The following WDR90 variants were observed in gnomAD, a reference collection of about 807,000 sequenced individuals.
The protein encoded by WDR90 is WD repeat-containing protein 90.
In WDR90, 238 loss-of-function variants were observed where a neutral mutation model predicts 195.2. The observed-to-expected ratio is 1.22, with a 90% confidence interval of 1.10 to 1.36. The LOEUF (loss-of-function observed/expected upper bound fraction) is 1.36. Among genes scored for constraint, WDR90 ranks in the 40% most tolerant of loss-of-function variants. The probability of loss-of-function intolerance (pLI) is 0.00; values close to 1 mark genes in which losing one functional copy is unlikely to be tolerated. For synonymous variants in WDR90, 1,265 were observed against 1,052.4 expected (o/e 1.20, Z -3.91); for missense variants, 2,734 against 2,439.5 (o/e 1.12, Z -2.54).
rs1359556481 is a variant in WDR90, at chr16:662,330, A to T, written c.4144A>T (p.Ser1382Cys). 1.9e-6 allele frequency: 3 copies of T among 1,558,818 alleles called. No individual in the cohort carries two copies. Among genetic ancestry groups the T allele is most frequent in the Non-Finnish European group, 2.6e-6 (3 of 1,153,236 alleles). The change falls in exon 33 of 41, where the codon AGT becomes TGT. Residue 1382 changes from serine to cysteine, a missense_variant and splice_region_variant. Coordinates refer to ENST00000293879, the MANE Select transcript of WDR90 (RefSeq NM_145294.5). The stretch of plus-strand genomic sequence containing the variant: ...GCTGAGGTGCAAGGGCTCAGGCGCC[A>T]GGTGAGCTGTTCACCCCTACGTGTT... ...SELRCKGSGA[S>C]SVFMEHELVL...
intron 28 of WDR90, 48 bp from the exon 29 acceptor site, chr16:661,003 C>CCG (rs2037892544): frequency 1.1e-5 from 1 of 94,708 alleles, no homozygotes; most frequent in South Asian, 1.1e-4. Flanking sequence ...CCTCCCCGCC[C>CCG]CCCCCCCCCC....
In WDR90 at chr16:660,178, G is replaced by A. The variant is rs2037865870; in HGVS notation, c.3288+17G>A. 2.7e-6 allele frequency: 4 copies of A among 1,499,252 alleles called. No homozygotes were observed. The highest frequency in any genetic ancestry group is 2.2e-5 in the Admixed American group (1 of 45,720). 92.9% of individuals were successfully genotyped at this position (1,499,252 alleles called of 1,614,324 possible). On this transcript the variant is annotated intron_variant, in intron 27 of 40. Coordinates refer to ENST00000293879, the MANE Select transcript of WDR90 (RefSeq NM_145294.5). ...TCTGCCAAGGTGGGGAGTGGTTTCT[G>A]GGAGCCCTCTTTATCCCCAGCAAGC...
Position 660,665 on chromosome 16 carries a change from C to T in WDR90, c.3342C>T (p.Val1114=), listed in dbSNP as rs750071428. ...SGGWLRLKAV[V]GYSGNGRANM... is the part of the protein sequence containing the mutation. Reference sequence around the variant, plus strand: ...GGTGGCTGCGTCTGAAGGCTGTCGTCGGTTACAGCGGGAATGGGCGGGCCA... The same window carrying T: ...GGTGGCTGCGTCTGAAGGCTGTCGTTGGTTACAGCGGGAATGGGCGGGCCA... Residue 1114 remains valine, a synonymous_variant, in exon 28 of 41, where the codon GTC becomes GTT. Coordinates refer to ENST00000293879, the MANE Select transcript of WDR90 (RefSeq NM_145294.5). 5 of 1,582,026 alleles carry T rather than the reference C, an allele frequency of 3.2e-6. No individual in the cohort carries two copies. The highest frequency in any genetic ancestry group is 1.4e-5 in the African/African-American group (1 of 74,056).
In WDR90 at chr16:656,123, C is replaced by G; in HGVS notation, c.1967-179C>G. On this transcript the variant is annotated intron_variant, in intron 17 of 40. Coordinates refer to ENST00000293879, the MANE Select transcript of WDR90 (RefSeq NM_145294.5). ...GTGGGTAGTGTGTGAAGCCCCTCAG[C>G]CTGGGTCCCGCCTAGCCTAAGAGTG... The G allele has an allele frequency of 2.6e-6, 2 of 768,548 alleles. 1 individual carries two copies. The highest frequency in any genetic ancestry group is 3.6e-5 in the South Asian group (2 of 55,902). The allele number at this position is 768,548 out of a possible 1,614,324, so 47.6% of individuals were successfully genotyped here.
Position 657,212 on chromosome 16 carries a change from C to A in WDR90, c.2464C>A (p.Arg822=). The change falls in exon 20 of 41, where the codon CGA becomes AGA. Residue 822 remains arginine (R), a synonymous_variant. Coordinates refer to ENST00000293879, the MANE Select transcript of WDR90 (RefSeq NM_145294.5). ...TGCGGACCCCCAGTGGCATGTCCTCCGAGTGGCAGGTTGGGCCCCCTGCAG... is the reference window on the plus strand; with the variant it reads ...TGCGGACCCCCAGTGGCATGTCCTCAGAGTGGCAGGTTGGGCCCCCTGCAG... The part of the protein sequence containing the change: ...SCADPQWHVL[R]VAADMVCPDA... 1 of 1,548,012 alleles carries A rather than the reference C, an allele frequency of 6.5e-7. No individual in the cohort carries two copies. The highest frequency in any genetic ancestry group is 8.7e-7 in the Non-Finnish European group (1 of 1,145,356).
chr16:664,030 G>A (rs2037970520), intron 34 of WDR90, among the ~76,000 whole-genome samples: 1 of 152,180 alleles, frequency 6.6e-6, no homozygotes, highest in Non-Finnish European at 1.5e-5. Flanking sequence ...AGTATTTGGA[G>A]ATGACGATAG....
chr16:654,883 T>C, intron 13 of WDR90, 146 bp from the exon 14 acceptor site: 1 of 683,144 alleles, frequency 1.5e-6, no homozygotes, highest in Non-Finnish European at 2.5e-6. Context: ...GGGGCTGGTT[T>C]CCTTCCACTC....
At chr16:665,588 G>T (rs1331027437) in intron 34 of WDR90, 91 bp from the exon 35 acceptor site, 2 of 1,599,698 alleles carry the variant, frequency 1.3e-6, no homozygotes, top group Non-Finnish European at 1.7e-6. Context: ...GGTTTGGACA[G>T]CCCGGCCCTG....
chr16:662,018 G>T lies in WDR90; in HGVS notation c.3992G>T (p.Gly1331Val). Residue 1331 changes from glycine to valine, a missense_variant, in exon 32 of 41, where the codon GGC becomes GTC. Transcript: ENST00000293879. ...GTCTGTGTCTGGGACACGCGTGCCGGCCGCTGCTTCTTGTCCTGGGAGGCG... is the reference window on the plus strand; with the variant it reads ...GTCTGTGTCTGGGACACGCGTGCCGTCCGCTGCTTCTTGTCCTGGGAGGCG... ...GQVCVWDTRAGRCFLSWEADD... is the reference protein window; with the variant it reads ...GQVCVWDTRAVRCFLSWEADD... 6.2e-7 allele frequency: 1 copy of T among 1,603,316 alleles called. No individual in the cohort carries two copies.
At chr16:661,018 C>T (rs1282973354) in intron 28 of WDR90, 33 bp from the exon 29 acceptor site, 5 of 873,252 alleles carry the variant, frequency 5.7e-6, no homozygotes, top group Non-Finnish European at 7.0e-6. Context: ...CCCCCCCCGG[C>T]CCGGCCTCAG....
In WDR90 at chr16:656,888, C is replaced by T; in HGVS notation, c.2342+17C>T. On this transcript the variant is annotated intron_variant, in intron 19 of 40. Coordinates refer to ENST00000293879, the MANE Select transcript of WDR90 (RefSeq NM_145294.5). Reference sequence around the variant, plus strand: ...GGAACACACGTAAGTGCCCAGCTGGCCACCAGCCCCACGGAGACCCCACGG... The same window carrying T: ...GGAACACACGTAAGTGCCCAGCTGGTCACCAGCCCCACGGAGACCCCACGG... 6.2e-7 allele frequency: 1 copy of T among 1,609,224 alleles called. No individual in the cohort carries two copies. Among genetic ancestry groups the T allele is most frequent in the Non-Finnish European group, 8.5e-7 (1 of 1,178,100 alleles).
At position 655,768 on chromosome 16, in the gene WDR90, C is replaced by T. The variant is rs752040797; in HGVS notation, c.1850-5C>T. 1 of 1,584,914 alleles carries T rather than the reference C, an allele frequency of 6.3e-7. No individual in the cohort carries two copies. The highest frequency in any genetic ancestry group is 8.6e-7 in the Non-Finnish European group (1 of 1,165,588). On this transcript the variant is annotated splice_polypyrimidine_tract_variant and splice_region_variant and intron_variant, in intron 16 of 40. Transcript: ENST00000293879. ...ACCGAGGCACTGACGCCTCCCTGCC[C>T]CCAGGCCCCGGCATTGCCATCAGCA...
Position 656,320 on chromosome 16 carries a change from G to C in WDR90, c.1985G>C (p.Ser662Thr), listed in dbSNP as rs771561529. 1.2e-6 allele frequency: 2 copies of C among 1,603,536 alleles called. No homozygotes were observed. The highest frequency in any genetic ancestry group is 1.7e-6 in the Non-Finnish European group (2 of 1,177,154). ...LLEAEHEGPV[S>T]SVCVSPDGLR... ...CCCACAGAGCACGAGGGCCCCGTCA[G>C]CTCAGTCTGTGTCAGCCCCGATGGC... Residue 662 changes from serine (S) to threonine (T), a missense_variant, in exon 18 of 41, where the codon AGC (serine) becomes ACC (threonine). Coordinates refer to ENST00000293879, the MANE Select transcript of WDR90 (RefSeq NM_145294.5).
intron 13 of WDR90, 48 bp downstream of exon 13, chr16:653,851 G>A (rs368231266): frequency 2.7e-4 from 435 of 1,602,392 alleles, no homozygotes; most frequent in Non-Finnish European, 1.3e-4. Context: ...CCTGATGCAC[G>A]CAGACAGCTG....
intron 29 of WDR90, 78 bp from the exon 30 acceptor site, chr16:661,264 A>G: frequency 6.5e-7 from 1 of 1,527,702 alleles, no homozygotes; most frequent in Non-Finnish European, 8.8e-7. Flanking sequence ...ACCACCAAAG[A>G]CGGAGCAGAC....
chr16:650,297 A>T lies in WDR90; in HGVS notation c.323A>T (p.Glu108Val), dbSNP rs1168557591. The T allele has an allele frequency of 8.7e-6, 14 of 1,612,988 alleles. 1 individual carries two copies. In the South Asian group the frequency reaches 1.4e-4, roughly 16 times the overall value. The part of the protein sequence containing the change: ...IRVSFSNLFK[E>V]FKSTATWLQF... Reference sequence around the variant, plus strand: ...GTGTCTTTCTCCAACCTCTTCAAGGAGTTTAAGTCTACGGCCACGTGGCTC... The same window carrying T: ...GTGTCTTTCTCCAACCTCTTCAAGGTGTTTAAGTCTACGGCCACGTGGCTC... The change falls in exon 4 of 41, where the codon GAG becomes GTG. Residue 108 changes from glutamate (E) to valine (V), a missense_variant. Coordinates refer to ENST00000293879, the MANE Select transcript of WDR90 (RefSeq NM_145294.5).
At position 658,315 on chromosome 16, in the gene WDR90, G is replaced by A. The variant is rs1414818921; in HGVS notation, c.2737G>A (p.Asp913Asn). ...CTCGTCCAACAGAGTCGTGGTGCTGGATGCTGTGTCGGGCCGCATCATCCG... is the reference window on the plus strand; with the variant it reads ...CTCGTCCAACAGAGTCGTGGTGCTGAATGCTGTGTCGGGCCGCATCATCCG... The part of the protein sequence containing the change: ...STSSNRVVVL[D>N]AVSGRIIREL... The change falls in exon 22 of 41, where the codon GAT becomes AAT. Residue 913 changes from aspartate to asparagine, a missense_variant. Transcript: ENST00000293879. The A allele has an allele frequency of 6.2e-7, 1 of 1,612,474 alleles. No individual in the cohort carries two copies. Among genetic ancestry groups the A allele is most frequent in the East Asian group, 2.2e-5 (1 of 44,892 alleles).
At chr16:663,720 G>A (rs1044613082) in intron 34 of WDR90, among the ~76,000 whole-genome samples, 3 of 152,182 alleles carry the variant, frequency 2.0e-5, no homozygotes, top group Admixed American at 2.0e-4. Context: ...TCCTGGTCTG[G>A]AAGCTCTGTG....
In WDR90 at chr16:650,642, G is replaced by C; in HGVS notation, c.492G>C (p.Lys164Asn). 1 of 1,612,782 alleles carries C rather than the reference G, an allele frequency of 6.2e-7. No homozygotes were observed. The highest frequency in any genetic ancestry group is 8.5e-7 in the Non-Finnish European group (1 of 1,179,934). ...TGAACCGGTGCTACGGCCATCTCAA[G>C]AGCATCAGGCTGTGCGCCAGCCTGC... Reference protein sequence around the residue: ...VYLNRCYGHLKSIRLCASLLV... With the variant: ...VYLNRCYGHLNSIRLCASLLV... Residue 164 changes from lysine to asparagine, a missense_variant, in exon 5 of 41, where the codon AAG (lysine) becomes AAC (asparagine). Physicochemically the swap from Lys to Asn is moderately conservative, Grantham distance 94. Transcript: ENST00000293879.
Sources: gnomAD v4.1 joint callset for allele counts (sites outside exome capture counted in the v4.1 genomes callset) on GRCh38, gnomAD v4.1.1 for gene constraint, MANE v1.5 for transcripts, NCBI Gene and HGNC (gene_info 2026-07-23, HGNC 2026-07-21) for gene names.